The following PAQR5 variants were observed in gnomAD, a reference collection of about 807,000 sequenced individuals.
The protein encoded by PAQR5 is membrane progestin receptor gamma.
Under a neutral mutation model 34.5 loss-of-function variants are expected in PAQR5, and 20 were observed. The ratio of observed to expected loss-of-function variants is 0.58; its 90% confidence interval spans 0.41 to 0.84. The LOEUF (loss-of-function observed/expected upper bound fraction) is 0.84. Ranked by LOEUF, PAQR5 falls within the 40% of genes least tolerant of loss-of-function variation. PAQR5 has a pLI of 0.00. For missense variants in PAQR5, 378 were observed against 412.7 expected (o/e 0.92, Z 0.73); for synonymous variants, 131 against 155.6 (o/e 0.84, Z 1.18).
At chr15:69,342,110 C>G (rs2140737341) in intron 2 of PAQR5, among the ~76,000 whole-genome samples, 1 of 152,148 alleles carries the variant, frequency 6.6e-6, no homozygotes, top group South Asian at 2.1e-4. Context: ...TTCTCCACAC[C>G]CTTGCCAATA....
intron 5 of PAQR5, among the ~76,000 whole-genome samples, chr15:69,386,313 TCACA>T (rs1417158160): frequency 6.6e-6 from 1 of 151,108 alleles, no homozygotes; most frequent in Non-Finnish European, 1.5e-5. Flanking sequence ...TCACACACTC[TCACA>T]CACATACACA....
In PAQR5 at chr15:69,399,642, T is replaced by G. The variant is rs1168967124; in HGVS notation, c.610-332T>G. On this transcript the variant is annotated intron_variant, in intron 7 of 8. Transcript: ENST00000395407. The stretch of plus-strand genomic sequence containing the variant: ...AGGATTTTTTGTCTTTCTTTTCCTT[T>G]CCCATTCCTTTCTTCTTTCCTTTTT... Among the ~76,000 whole-genome samples, 2 of 152,250 alleles carry G rather than the reference T, an allele frequency of 1.3e-5. 1 individual carries two copies. The highest frequency in any genetic ancestry group is 2.9e-5 in the Non-Finnish European group (2 of 68,046).
intron 1 of PAQR5, among the ~76,000 whole-genome samples, chr15:69,311,225 G>A (rs944594915): frequency 6.6e-5 from 10 of 151,898 alleles, no homozygotes; most frequent in African/African-American, 2.2e-4. Flanking sequence ...GAGGGAAGAC[G>A]GAGCTGTGTG....
chr15:69,402,513 T>C (rs1287702021), intron 8 of PAQR5, among the ~76,000 whole-genome samples: 3 of 151,978 alleles, frequency 2.0e-5, no homozygotes, highest in African/African-American at 7.3e-5. Context: ...AGACGGGGTT[T>C]CATCATGTTA....
intron 5 of PAQR5, among the ~76,000 whole-genome samples, chr15:69,388,368 A>T (rs1260675835): frequency 6.6e-6 from 1 of 152,146 alleles, no homozygotes; most frequent in African/African-American, 2.4e-5. Flanking sequence ...ATCCGGGATG[A>T]CCTACCAGGC....
intron 1 of PAQR5, among the ~76,000 whole-genome samples, chr15:69,307,795 C>T (rs1423739365): frequency 6.6e-6 from 1 of 152,136 alleles, no homozygotes; most frequent in African/African-American, 2.4e-5. Flanking sequence ...GACCCTGTGG[C>T]TGTCGGTGGG....
chr15:69,329,615 G>A (rs1018048139), intron 1 of PAQR5, among the ~76,000 whole-genome samples: 2 of 151,642 alleles, frequency 1.3e-5, no homozygotes, highest in African/African-American at 4.8e-5. Flanking sequence ...TTCCTGAGTG[G>A]CTGGGACTAC....
At chr15:69,375,502 C>A (rs2055682427) in intron 3 of PAQR5, among the ~76,000 whole-genome samples, 1 of 152,182 alleles carries the variant, frequency 6.6e-6, no homozygotes, top group Non-Finnish European at 1.5e-5. Context: ...GAAGAAGAAT[C>A]TAAGGCTCAG....
In PAQR5 at chr15:69,299,717, G is replaced by A. The variant is rs190059083; in HGVS notation, c.-277+661G>A. ...AGCCCAGGAGAGGGGGTGGACCCCG[G>A]CCCAGCAGAACAAGAACTCAGGAGC... On this transcript the variant is annotated intron_variant, in intron 1 of 8. Coordinates refer to ENST00000395407, the MANE Select transcript of PAQR5 (RefSeq NM_017705.4). Among the ~76,000 whole-genome samples the A allele has an allele frequency of 2.6e-5, 4 of 152,316 alleles. No homozygotes were observed. The East Asian group carries it at 7.7e-4, about 29-fold the overall frequency.
chr15:69,322,519 C>T lies in PAQR5; in HGVS notation c.-276-14822C>T, dbSNP rs570635376. Among the ~76,000 whole-genome samples the T allele has an allele frequency of 4.8e-5, 7 of 145,998 alleles. No homozygotes were observed. In the East Asian group the frequency reaches 1.3e-3, roughly 26 times the overall value. On this transcript the variant is annotated intron_variant, in intron 1 of 8. Transcript: ENST00000395407. ...AAAAAAACCTAGCTAGGTACTGTGG[C>T]GTGTGCGTGTGGTCCAAGCTACTCA...
chr15:69,309,830 C>T (rs1466750076), intron 1 of PAQR5, among the ~76,000 whole-genome samples: 1 of 151,968 alleles, frequency 6.6e-6, no homozygotes, highest in Non-Finnish European at 1.5e-5. Flanking sequence ...TGGCTGATCA[C>T]CTGAGGTCAG....
chr15:69,302,929 C>A (rs966679384), intron 1 of PAQR5, among the ~76,000 whole-genome samples: 7 of 152,170 alleles, frequency 4.6e-5, no homozygotes, highest in Non-Finnish European at 7.3e-5. Context: ...CAGCCATGTC[C>A]CCCTGCTTCT....
chr15:69,338,932 A>G (rs1291712474), intron 2 of PAQR5, among the ~76,000 whole-genome samples: 1 of 152,232 alleles, frequency 6.6e-6, no homozygotes, highest in African/African-American at 2.4e-5. Context: ...ATTATGATTT[A>G]GGAATCTTGC....
intron 3 of PAQR5, among the ~76,000 whole-genome samples, chr15:69,361,488 A>C (rs1328298093): frequency 6.6e-6 from 1 of 152,212 alleles, no homozygotes; most frequent in African/African-American, 2.4e-5. Context: ...ACTGCTATAA[A>C]GAACTGCCTG....
chr15:69,386,394 C>A (rs563666486), intron 5 of PAQR5, among the ~76,000 whole-genome samples: 1 of 152,228 alleles, frequency 6.6e-6, no homozygotes, highest in African/African-American at 2.4e-5. Context: ...TTCACTAGAC[C>A]GTGCCCCTTT....
chr15:69,343,080 A>G (rs1410775325), intron 2 of PAQR5, among the ~76,000 whole-genome samples: 1 of 152,250 alleles, frequency 6.6e-6, no homozygotes, highest in East Asian at 1.9e-4. Context: ...AAATCCAGAC[A>G]TCCGGTGGTG....
intron 5 of PAQR5, among the ~76,000 whole-genome samples, chr15:69,386,312 C>T (rs757300272): frequency 4.0e-5 from 6 of 151,778 alleles, no homozygotes; most frequent in Admixed American, 6.6e-5. Flanking sequence ...CTCACACACT[C>T]TCACACACAT....
chr15:69,356,318 C>T (rs1353926884), intron 2 of PAQR5, among the ~76,000 whole-genome samples: 2 of 152,102 alleles, frequency 1.3e-5, no homozygotes, highest in Non-Finnish European at 2.9e-5. Flanking sequence ...GGTGATTTAG[C>T]CATGAAAAAC....
At chr15:69,303,611 AT>A (rs36064379) in intron 1 of PAQR5, among the ~76,000 whole-genome samples, 68,298 of 149,346 alleles carry the variant, frequency 0.46, 18,425 homozygotes, top group Middle Eastern at 0.61. Flanking sequence ...CAGTCAGTCA[AT>A]CAATTCTCCA....
Sources: allele counts gnomAD v4.1 joint callset (sites outside exome capture counted in the v4.1 genomes callset), GRCh38; gene constraint gnomAD v4.1.1; transcripts MANE v1.5; gene names NCBI Gene and HGNC (gene_info 2026-07-23, HGNC 2026-07-21).